The following SEL1L2 variants were observed in gnomAD, a reference collection of about 807,000 sequenced individuals.
The protein encoded by SEL1L2 is SEL1L2 adaptor subunit of SYVN1 ubiquitin ligase, also known as protein sel-1 homolog 2.
SEL1L2 carries 89 observed loss-of-function variants against 98.8 expected under a neutral mutation model. The ratio of observed to expected loss-of-function variants is 0.90; its 90% CI spans 0.76 to 1.07. The LOEUF (loss-of-function observed/expected upper bound fraction) is 1.07. SEL1L2 is among the 50% of genes least tolerant of loss of function. The pLI is 0.00. For synonymous variants in SEL1L2, 262 were observed against 278.5 expected (o/e 0.94, Z 0.59); for missense variants, 788 against 812.0 (o/e 0.97, Z 0.36).
intron 1 of SEL1L2, among the ~76,000 whole-genome samples, chr20:13,973,126 C>A (rs1180761087): frequency 6.6e-6 from 1 of 152,178 alleles, no homozygotes; most frequent in Non-Finnish European, 1.5e-5. Context: ...CTTGAGCACC[C>A]AGGTTGCTCT....
intron 3 of SEL1L2, among the ~76,000 whole-genome samples, chr20:13,930,943 C>G (rs1017717556): frequency 1.3e-5 from 2 of 151,820 alleles, no homozygotes; most frequent in Non-Finnish European, 2.9e-5. Context: ...ACAGCCCGGG[C>G]AACATAGCAA....
chr20:13,885,340 G>T lies in SEL1L2; in HGVS notation c.957+7C>A. 1 of 1,577,396 alleles carries T rather than the reference G, an allele frequency of 6.3e-7. No individual in the cohort carries two copies. The highest frequency in any genetic ancestry group is 1.1e-5 in the South Asian group (1 of 90,072). ...CCCCATTTGACTGGATCTTGAGATT[G>T]ACTTACGTAGTAATCCTGATCTAGA... On this transcript the variant is annotated splice_region_variant and intron_variant, in intron 10 of 19. Transcript: ENST00000284951.
chr20:13,903,250 A>C (rs2047764510), intron 5 of SEL1L2, among the ~76,000 whole-genome samples: 1 of 152,126 alleles, frequency 6.6e-6, no homozygotes, highest in African/African-American at 2.4e-5. Context: ...GCTGTTGCTT[A>C]ATTTAGATAT....
intron 4 of SEL1L2, among the ~76,000 whole-genome samples, chr20:13,916,686 A>G (rs992306015): frequency 1.3e-5 from 2 of 152,142 alleles, no homozygotes; most frequent in Admixed American, 6.5e-5. Flanking sequence ...GGCACCTGTC[A>G]TCTCAGCTAC....
chr20:13,981,191 G>A (rs532823735), intron 1 of SEL1L2, among the ~76,000 whole-genome samples: 13 of 152,204 alleles, frequency 8.5e-5, no homozygotes, highest in African/African-American at 3.1e-4. Flanking sequence ...GCAGTGAGCC[G>A]AGATCGTGCC....
Position 13,887,754 on chromosome 20 carries a change from A to T in SEL1L2, c.745+15T>A. On this transcript the variant is annotated intron_variant, in intron 8 of 19. Coordinates refer to ENST00000284951, the MANE Select transcript of SEL1L2 (RefSeq NM_025229.2). ...GCAACTGTTTATTTTAAAATAAATT[A>T]TGTGGATTACTTACTATAATCTGCC... 1 of 1,505,404 alleles carries T rather than the reference A, an allele frequency of 6.6e-7. No homozygotes were observed. The highest frequency in any genetic ancestry group is 2.3e-5 in the East Asian group (1 of 44,288). The allele number at this position is 1,505,404 out of a possible 1,614,324, so 93.3% of individuals were successfully genotyped here.
chr20:13,876,751 A>T (rs1360581288), intron 11 of SEL1L2, among the ~76,000 whole-genome samples: 1 of 152,064 alleles, frequency 6.6e-6, no homozygotes, highest in African/African-American at 2.4e-5. Context: ...CCTCTTACAT[A>T]TTGGGGAGTG....
intron 1 of SEL1L2, among the ~76,000 whole-genome samples, chr20:13,988,333 T>C (rs1442986409): frequency 1.3e-5 from 2 of 152,220 alleles, no homozygotes; most frequent in African/African-American, 4.8e-5. Flanking sequence ...CCATTGTGCC[T>C]AGCCTTTAAA....
At position 13,866,687 on chromosome 20, in the gene SEL1L2, G is replaced by T. The variant is rs372179090; in HGVS notation, c.1404+15C>A. On this transcript the variant is annotated intron_variant, in intron 15 of 19. Coordinates refer to ENST00000284951, the MANE Select transcript of SEL1L2 (RefSeq NM_025229.2). ...TATGACAAGTGCTTTAAAAACAGCC[G>T]CATATTATATTTACCTCCACAGCAG... 1 of 1,525,956 alleles carries T rather than the reference G, an allele frequency of 6.6e-7. No individual in the cohort carries two copies. The highest frequency in any genetic ancestry group is 1.3e-5 in the South Asian group (1 of 74,950). 94.5% of individuals were successfully genotyped at this position (1,525,956 alleles called of 1,614,324 possible). A position where few individuals can be genotyped will look rare whatever the true frequency, so the allele number is the denominator to read the frequency against.
At chr20:13,884,282 T>C (rs144274442) in intron 10 of SEL1L2, among the ~76,000 whole-genome samples, 157 of 152,046 alleles carry the variant, frequency 1.0e-3, no homozygotes, top group African/African-American at 3.6e-3. Flanking sequence ...GTGGCTCCTA[T>C]AAATGAAAAG....
At chr20:13,926,598 A>T (rs1253693012) in intron 3 of SEL1L2, among the ~76,000 whole-genome samples, 1 of 152,112 alleles carries the variant, frequency 6.6e-6, no homozygotes, top group East Asian at 1.9e-4. Flanking sequence ...GCTATGCAGC[A>T]CTCTGTAGCT....
At chr20:13,917,406 A>G (rs1487358447) in intron 4 of SEL1L2, among the ~76,000 whole-genome samples, 1 of 152,136 alleles carries the variant, frequency 6.6e-6, no homozygotes, top group African/African-American at 2.4e-5. Context: ...GAAGTATTAC[A>G]TCATCTTTTT....
At chr20:13,897,895 C>A (rs1400871204) in intron 5 of SEL1L2, among the ~76,000 whole-genome samples, 5 of 149,522 alleles carry the variant, frequency 3.3e-5, no homozygotes, top group African/African-American at 2.5e-5. Flanking sequence ...CAAAAAAAAA[C>A]CCCACAATAA....
At chr20:13,890,988 A>G (rs1055047809) in intron 5 of SEL1L2, among the ~76,000 whole-genome samples, 2 of 152,154 alleles carry the variant, frequency 1.3e-5, no homozygotes, top group Non-Finnish European at 2.9e-5. Context: ...GGAATGAAGA[A>G]AAGTAAAGAA....
chr20:13,966,389 G>A (rs1370746110), intron 1 of SEL1L2, among the ~76,000 whole-genome samples: 1 of 152,074 alleles, frequency 6.6e-6, no homozygotes, highest in African/African-American at 2.4e-5. Context: ...CACAATCTCA[G>A]CTCACTGCAA....
At chr20:13,917,786 C>CTTTTTTTTTTTTTTTTTT (rs5840588) in intron 4 of SEL1L2, among the ~76,000 whole-genome samples, 25 of 50,072 alleles carry the variant, frequency 5.0e-4, no homozygotes, top group East Asian at 8.4e-4. Context: ...TTCTTTCTTT[C>CTTTTTTTTTTTTTTTTTT]TTTTTTTTTT....
At chr20:13,854,410 T>C (rs1988807816) in intron 18 of SEL1L2, among the ~76,000 whole-genome samples, 1 of 152,198 alleles carries the variant, frequency 6.6e-6, no homozygotes, top group Non-Finnish European at 1.5e-5. Context: ...GGTACAAAAA[T>C]ATTTTTGAAC....
intron 2 of SEL1L2, among the ~76,000 whole-genome samples, chr20:13,947,133 A>ATGATCCT (rs1203761225): frequency 1.3e-5 from 2 of 151,868 alleles, no homozygotes; most frequent in African/African-American, 2.4e-5. Context: ...GCCAGGATCC[A>ATGATCCT]TTCCGGGTGG....
chr20:13,870,021 C>T, intron 13 of SEL1L2, 120 bp downstream of exon 13: 1 of 681,458 alleles, frequency 1.5e-6, no homozygotes, highest in South Asian at 2.0e-5. Flanking sequence ...TCTCTATTAT[C>T]TGATATCACA....
Sources: allele counts gnomAD v4.1 joint callset (sites outside exome capture counted in the v4.1 genomes callset), GRCh38; gene constraint gnomAD v4.1.1; transcripts MANE v1.5; gene names NCBI Gene and HGNC (gene_info 2026-07-23, HGNC 2026-07-21).